CCDC93: variants seen among roughly 807,000 people sequenced by gnomAD.
CCDC93 encodes the protein coiled-coil domain-containing protein 93.
In CCDC93, 61 loss-of-function variants were observed where a neutral mutation model predicts 108.2. The ratio of observed to expected loss-of-function variants is 0.56; its 90% confidence interval spans 0.46 to 0.70. CCDC93 has a LOEUF of 0.70. Ranked by LOEUF, CCDC93 falls within the 30% of genes least tolerant of loss-of-function variation. The pLI, the probability that CCDC93 is intolerant of heterozygous loss-of-function variation, is 0.00. For synonymous variants in CCDC93, 276 were observed against 260.4 expected (o/e 1.06, Z -0.58); for missense variants, 685 against 764.2 (o/e 0.90, Z 1.22).
intron 11 of CCDC93, among the ~76,000 whole-genome samples, chr2:117,962,935 G>T (rs1679441352): frequency 6.6e-6 from 1 of 152,178 alleles, no homozygotes. Context: ...TGTAACAACA[G>T]ATTGGACCTC....
chr2:117,976,366 C>A (rs558363654), intron 8 of CCDC93, among the ~76,000 whole-genome samples: 2 of 152,020 alleles, frequency 1.3e-5, no homozygotes, highest in Non-Finnish European at 2.9e-5. Flanking sequence ...ACACATCAAA[C>A]CCTTATTATA....
chr2:117,981,217 T>G (rs1368197440), intron 7 of CCDC93, among the ~76,000 whole-genome samples: 1 of 152,172 alleles, frequency 6.6e-6, no homozygotes, highest in Non-Finnish European at 1.5e-5. Context: ...CTTCATTCAC[T>G]TCAATATCCC....
At chr2:117,954,578 C>G (rs1217228431) in intron 12 of CCDC93, among the ~76,000 whole-genome samples, 1 of 152,184 alleles carries the variant, frequency 6.6e-6, no homozygotes, top group African/African-American at 2.4e-5. Context: ...TACACTTACT[C>G]TAAAAATTCA....
chr2:117,951,276 A>G (rs1422335553), intron 13 of CCDC93: 13 of 985,408 alleles, frequency 1.3e-5, no homozygotes, highest in Non-Finnish European at 1.6e-5. Flanking sequence ...TAAGGAACCC[A>G]GTCACAGAGC....
chr2:117,973,069 A>G (rs999381968), intron 11 of CCDC93, among the ~76,000 whole-genome samples: 4 of 152,142 alleles, frequency 2.6e-5, no homozygotes, highest in Non-Finnish European at 5.9e-5. Context: ...CTGTTTCCCA[A>G]AAGTCTTGGG....
At chr2:117,922,330 C>T (rs3771933) in intron 23 of CCDC93, among the ~76,000 whole-genome samples, 31,357 of 151,990 alleles carry the variant, frequency 0.21, 3,411 homozygotes, top group Middle Eastern at 0.31. Flanking sequence ...ACAAAAGAGG[C>T]GCTTTGGGTG....
intron 7 of CCDC93, among the ~76,000 whole-genome samples, chr2:117,982,954 GC>G (rs1282478121): frequency 6.6e-6 from 1 of 152,140 alleles, no homozygotes; most frequent in African/African-American, 2.4e-5. Context: ...ACGGGCTGTT[GC>G]CCCCAAATAT....
chr2:117,929,851 C>G (rs1294943992), intron 23 of CCDC93, among the ~76,000 whole-genome samples: 1 of 152,230 alleles, frequency 6.6e-6, no homozygotes, highest in Non-Finnish European at 1.5e-5. Context: ...CTAGGTCCTG[C>G]TCACCCTAGA....
At chr2:117,984,570 A>G (rs1426975294) in intron 7 of CCDC93, among the ~76,000 whole-genome samples, 1 of 152,166 alleles carries the variant, frequency 6.6e-6, no homozygotes, top group Non-Finnish European at 1.5e-5. Flanking sequence ...TTCTGTCAAC[A>G]TGGTCTCAGC....
At chr2:117,949,593 A>G (rs1678985158) in intron 13 of CCDC93, 198 bp from the exon 14 acceptor site, 2 of 262,128 alleles carry the variant, frequency 7.6e-6, no homozygotes, top group Non-Finnish European at 1.2e-5. Flanking sequence ...TAGCTCTTTT[A>G]CAATGATCTC....
chr2:117,941,376 T>G, intron 18 of CCDC93, 79 bp from the exon 19 acceptor site: 1 of 1,137,542 alleles, frequency 8.8e-7, no homozygotes, highest in Non-Finnish European at 1.3e-6. Context: ...AAATATTGCC[T>G]GCACCCCGAC....
At chr2:117,985,725 AATGCCTGGAAC>A (rs1020965113) in intron 7 of CCDC93, among the ~76,000 whole-genome samples, 10 of 152,290 alleles carry the variant, frequency 6.6e-5, no homozygotes, top group African/African-American at 2.4e-4. Context: ...AGCCTCTGTA[AATGCCTGGAAC>A]ACCCCAACTC....
chr2:117,961,982 T>A (rs1280152689), intron 11 of CCDC93, among the ~76,000 whole-genome samples: 2 of 152,214 alleles, frequency 1.3e-5, no homozygotes, highest in Non-Finnish European at 2.9e-5. Flanking sequence ...ACATTGTGGA[T>A]TAAGATGACT....
intron 4 of CCDC93, chr2:117,998,699 C>T (rs1304868183): frequency 6.6e-6 from 1 of 152,204 alleles, no homozygotes; most frequent in Non-Finnish European, 1.5e-5. Flanking sequence ...CTTCTCACAA[C>T]CTGACTAGAT....
chr2:117,947,002 G>C, intron 15 of CCDC93, 120 bp from the exon 16 acceptor site: 4 of 765,038 alleles, frequency 5.2e-6, no homozygotes, highest in South Asian at 1.6e-5. Context: ...GGGACGAAAA[G>C]CTAATGAGGT....
intron 11 of CCDC93, among the ~76,000 whole-genome samples, chr2:117,961,179 C>T (rs1447193597): frequency 6.6e-6 from 1 of 152,108 alleles, no homozygotes; most frequent in Non-Finnish European, 1.5e-5. Context: ...CTTTCTCATT[C>T]TGCTCTTTTA....
At chr2:117,982,139 T>C (rs1331463254) in intron 7 of CCDC93, among the ~76,000 whole-genome samples, 1 of 150,616 alleles carries the variant, frequency 6.6e-6, no homozygotes, top group South Asian at 2.1e-4. Context: ...AGGCCTAACT[T>C]TGAGTTGCCT....
At chr2:117,995,399 T>C (rs1056372167) in intron 6 of CCDC93, 47 bp downstream of exon 6, 68 of 1,417,606 alleles carry the variant, frequency 4.8e-5, no homozygotes, top group Non-Finnish European at 6.5e-5. Context: ...AAGGGCTATC[T>C]GAGGCTACGC....
In CCDC93 at chr2:117,945,599, A is replaced by G; in HGVS notation, c.1297-17T>C. 3 of 1,610,492 alleles carry G rather than the reference A, an allele frequency of 1.9e-6. No homozygotes were observed. Among genetic ancestry groups the G allele is most frequent in the Non-Finnish European group, 2.5e-6 (3 of 1,176,712 alleles). ...GGAGAGGGTCTGAAACAATGAAAAC[A>G]TAATAAACACCTCTCCTGAGCATTC... On this transcript the variant is annotated splice_polypyrimidine_tract_variant and intron_variant, in intron 16 of 23. Coordinates refer to ENST00000376300, the MANE Select transcript of CCDC93 (RefSeq NM_019044.5).
Sources: gnomAD v4.1 joint callset for allele counts (sites outside exome capture counted in the v4.1 genomes callset) on GRCh38, gnomAD v4.1.1 for gene constraint, MANE v1.5 for transcripts, NCBI Gene and HGNC (gene_info 2026-07-23, HGNC 2026-07-21) for gene names.